Variants in CCNI observed in about 807,000 individuals in gnomAD.
The protein encoded by CCNI is cyclin I.
CCNI carries 14 observed loss-of-function variants against 34.1 expected under a neutral mutation model. The observed-to-expected ratio is 0.41, with a 90% CI of 0.27 to 0.64. The LOEUF is 0.64. Ranked by LOEUF, CCNI falls within the 30% of genes least tolerant of loss-of-function variation. The pLI is 0.31. For missense variants in CCNI, 385 were observed against 440.5 expected (o/e 0.87, Z 1.13); for synonymous variants, 154 against 158.4 (o/e 0.97, Z 0.21).
chr4:77,066,724 A>T (rs1560782229), intron 1 of CCNI, among the ~76,000 whole-genome samples: 1 of 152,202 alleles, frequency 6.6e-6, no homozygotes, highest in African/African-American at 2.4e-5. Flanking sequence ...GAATTCTTAG[A>T]AGTAGTTATT....
In CCNI at chr4:77,058,609, T is replaced by C. The variant is rs1181282971; in HGVS notation, c.141A>G (p.Glu47=). The C allele has an allele frequency of 1.2e-6, 2 of 1,613,500 alleles. No homozygotes were observed. Among genetic ancestry groups the C allele is most frequent in the East Asian group, 4.5e-5 (2 of 44,872 alleles). The change falls in exon 3 of 7, where the codon GAA becomes GAG. Residue 47 remains glutamate (E), a synonymous_variant. Transcript: ENST00000237654. ...NQNVSPSQRD[E]VIQWLAKLKY... is the part of the protein sequence containing the mutation. ...TGAGTTTGGCCAGCCATTGAATTAC[T>C]TCATCTCTCTGGGATGGAGAAACAT...
intron 1 of CCNI, among the ~76,000 whole-genome samples, chr4:77,069,449 T>A (rs1729297115): frequency 6.6e-6 from 1 of 151,670 alleles, no homozygotes; most frequent in Non-Finnish European, 1.5e-5. Context: ...ATATTTTTTT[T>A]ATTATTATAC....
intron 1 of CCNI, among the ~76,000 whole-genome samples, chr4:77,073,599 C>T (rs1237759261): frequency 6.6e-6 from 1 of 152,184 alleles, no homozygotes; most frequent in African/African-American, 2.4e-5. Context: ...ATTTGCAATT[C>T]CAAGTGTATG....
At chr4:77,063,568 T>C (rs1249672641) in intron 2 of CCNI, among the ~76,000 whole-genome samples, 1 of 151,492 alleles carries the variant, frequency 6.6e-6, no homozygotes, top group Admixed American at 6.6e-5. Context: ...CGGGCGCCTG[T>C]AGTCCCAGCT....
In CCNI at chr4:77,056,338, A is replaced by G. The variant is rs904527552; in HGVS notation, c.244-15T>C. 5 of 1,594,886 alleles carry G rather than the reference A, an allele frequency of 3.1e-6. No homozygotes were observed. The Admixed American group carries it at 6.8e-5, about 22-fold the overall frequency. On this transcript the variant is annotated splice_polypyrimidine_tract_variant and intron_variant, in intron 3 of 6. Transcript: ENST00000237654. Reference sequence around the variant, plus strand: ...TTTGGATGAGCCTAAAATTTTGAAGAGGGAAAAAGCAACTTTAGTGATTTT... The same window carrying G: ...TTTGGATGAGCCTAAAATTTTGAAGGGGGAAAAAGCAACTTTAGTGATTTT...
chr4:77,065,408 T>C (rs1728957596), intron 2 of CCNI, among the ~76,000 whole-genome samples: 1 of 152,218 alleles, frequency 6.6e-6, no homozygotes, highest in African/African-American at 2.4e-5. Context: ...AAGTTCACAG[T>C]TATTTGTGAA....
intron 1 of CCNI, among the ~76,000 whole-genome samples, chr4:77,069,277 C>T (rs899890668): frequency 1.3e-5 from 2 of 151,930 alleles, no homozygotes; most frequent in Admixed American, 6.6e-5. Flanking sequence ...ATTAGGCAGG[C>T]GTGGTGGCAC....
chr4:77,073,018 T>A (rs1266648422), intron 1 of CCNI, among the ~76,000 whole-genome samples: 1 of 152,228 alleles, frequency 6.6e-6, no homozygotes, highest in African/African-American at 2.4e-5. Context: ...TGAGTTGAAT[T>A]AATAAATTCC....
chr4:77,055,813 A>G, intron 5 of CCNI, 149 bp downstream of exon 5: 4 of 657,916 alleles, frequency 6.1e-6, no homozygotes, highest in Non-Finnish European at 1.0e-5. Flanking sequence ...CAGTGATATG[A>G]CATATATACT....
chr4:77,051,276 AATG>A (rs1205622837), intron 6 of CCNI, among the ~76,000 whole-genome samples: 6 of 152,246 alleles, frequency 3.9e-5, no homozygotes, highest in Admixed American at 3.3e-4. Context: ...TTAGCAAATG[AATG>A]ATATTTATTG....
At chr4:77,065,161 G>A (rs947189844) in intron 2 of CCNI, 2 of 152,208 alleles carry the variant, frequency 1.3e-5, no homozygotes, top group Non-Finnish European at 2.9e-5. Context: ...TCTTTAGCTT[G>A]TGGGAAAGAA....
At chr4:77,052,611 G>A (rs980937759) in intron 6 of CCNI, among the ~76,000 whole-genome samples, 2 of 152,066 alleles carry the variant, frequency 1.3e-5, no homozygotes, top group African/African-American at 2.4e-5. Context: ...CTCACAGCAC[G>A]GTATGTCTGT....
intron 5 of CCNI, 49 bp downstream of exon 5, chr4:77,055,913 G>T: frequency 6.9e-7 from 1 of 1,451,682 alleles, no homozygotes; most frequent in Non-Finnish European, 9.4e-7. Flanking sequence ...TTAATTTACT[G>T]AAAACTACAC....
At position 77,075,582 on chromosome 4, in the gene CCNI, G is replaced by A. The variant is rs1007684726; in HGVS notation, c.-154C>T. On this transcript the variant is annotated 5_prime_UTR_variant, in exon 1 of 7. Coordinates refer to ENST00000237654, the MANE Select transcript of CCNI (RefSeq NM_006835.3). ...ACCACCTCATTCTCATAGGCGCGCG[G>A]AGGCGGTGCGCGCGGGACGACTCGG... 1.0e-6 allele frequency: 1 copy of A among 988,274 alleles called. No homozygotes were observed. The highest frequency in any genetic ancestry group is 1.2e-6 in the Non-Finnish European group (1 of 830,482). 61.2% of individuals were successfully genotyped at this position (988,274 alleles called of 1,614,324 possible). A position where few individuals can be genotyped will look rare whatever the true frequency, so the allele number is the denominator to read the frequency against.
At position 77,048,033 on chromosome 4, in the gene CCNI, A is replaced by C; in HGVS notation, c.*186T>G. On this transcript the variant is annotated 3_prime_UTR_variant, in exon 7 of 7. Coordinates refer to ENST00000237654, the MANE Select transcript of CCNI (RefSeq NM_006835.3). The stretch of plus-strand genomic sequence containing the variant: ...TTTCTTTTTTTTTTTTTTGGTCTTT[A>C]TGTGCTTAAATAACGCTGAATTATA... The C allele has an allele frequency of 2.6e-6, 1 of 389,584 alleles. No individual in the cohort carries two copies. The highest frequency in any genetic ancestry group is 4.5e-6 in the Non-Finnish European group (1 of 221,074). 24.1% of individuals were successfully genotyped at this position (389,584 alleles called of 1,614,324 possible). A position where few individuals can be genotyped will look rare whatever the true frequency, so the allele number is the denominator to read the frequency against.
At chr4:77,057,266 T>C (rs997030054) in intron 3 of CCNI, among the ~76,000 whole-genome samples, 4 of 152,200 alleles carry the variant, frequency 2.6e-5, no homozygotes, top group African/African-American at 9.7e-5. Context: ...TTTCAAAAAT[T>C]ATTAGTGAAC....
chr4:77,073,315 C>T (rs1014145703), intron 1 of CCNI, among the ~76,000 whole-genome samples: 3 of 152,176 alleles, frequency 2.0e-5, no homozygotes, highest in East Asian at 1.9e-4. Context: ...GCTTACTGTA[C>T]AGCATAACTA....
rs761870529 is a variant in CCNI, at chr4:77,055,233, C to A, written c.607G>T (p.Ala203Ser). Residue 203 changes from alanine to serine, a missense_variant, in exon 6 of 7, where the codon GCT (alanine) becomes TCT (serine). Transcript: ENST00000237654. ...ATTTCCAGACTAACCATGGCCAGAG[C>A]AAGCATGGATCCTCTGAATTGCAGA... ...QLLQFRGSMLALAMVSLEMEK... is the reference protein window; with the variant it reads ...QLLQFRGSMLSLAMVSLEMEK... 4 of 1,614,110 alleles carry A rather than the reference C, an allele frequency of 2.5e-6. No individual in the cohort carries two copies. The highest frequency in any genetic ancestry group is 3.4e-6 in the Non-Finnish European group (4 of 1,179,982).
chr4:77,073,645 T>G (rs1157397679), intron 1 of CCNI, among the ~76,000 whole-genome samples: 1 of 152,256 alleles, frequency 6.6e-6, no homozygotes, highest in African/African-American at 2.4e-5. Context: ...CAAGCACTGC[T>G]GTTTCAACTT....
Sources: allele counts gnomAD v4.1 joint callset (sites outside exome capture counted in the v4.1 genomes callset), GRCh38; gene constraint gnomAD v4.1.1; transcripts MANE v1.5; gene names NCBI Gene and HGNC (gene_info 2026-07-23, HGNC 2026-07-21).